The following SMIM22 variants were observed in gnomAD, a reference collection of about 807,000 sequenced individuals.
SMIM22 encodes the protein small integral membrane protein 22.
A neutral mutation model predicts 8.4 loss-of-function variants in SMIM22; 16 were observed. That is an observed-to-expected ratio of 1.90 (90% CI 1.29 to 2.89). The LOEUF (loss-of-function observed/expected upper bound fraction) is 2.89, where lower values mean the gene tolerates loss of function less well. Ranked by LOEUF, SMIM22 falls within the 30% of genes most tolerant of loss-of-function variation. SMIM22 has a pLI of 0.00. For missense variants in SMIM22, 159 were observed against 107.5 expected (o/e 1.48, Z -2.12); for synonymous variants, 67 against 47.6 (o/e 1.41, Z -1.68).
upstream of SMIM22, among the ~76,000 whole-genome samples, chr16:4,792,043 G>C (rs914196380): frequency 6.6e-6 from 1 of 151,782 alleles, no homozygotes; most frequent in Non-Finnish European, 1.5e-5. Flanking sequence ...AGATAGATAC[G>C]ACTTTCATAA....
chr16:4,794,430 T>C (rs2082600951), upstream of SMIM22, among the ~76,000 whole-genome samples: 3 of 150,174 alleles, frequency 2.0e-5, no homozygotes, highest in South Asian at 6.3e-4. Context: ...TTATCTTTTT[T>C]TTTTTTTGAG....
At chr16:4,792,770 C>T (rs931704723), upstream of SMIM22, among the ~76,000 whole-genome samples, 2 of 148,004 alleles carry the variant, frequency 1.4e-5, no homozygotes, top group Admixed American at 1.4e-4. Flanking sequence ...CCATTGCACT[C>T]CAGCCTGCCA....
chr16:4,795,244 G>A (rs192802019), upstream of SMIM22: 145 of 159,574 alleles, frequency 9.1e-4, no homozygotes, highest in African/African-American at 2.9e-3. Flanking sequence ...ACAGGCCGGC[G>A]TCTTCCTCCC....
chr16:4,795,246 C>T (rs886654666), upstream of SMIM22: 9 of 159,868 alleles, frequency 5.6e-5, no homozygotes, highest in Admixed American at 6.1e-5. Context: ...AGGCCGGCGT[C>T]TTCCTCCCTG....
chr16:4,795,986 T>C lies in SMIM22; in HGVS notation c.163T>C (p.Cys55Arg), dbSNP rs763459367. The C allele has an allele frequency of 1.4e-3, 2,146 of 1,504,100 alleles. 13 individuals are homozygous for C. Among genetic ancestry groups the C allele is most frequent in the Non-Finnish European group, 1.6e-3 (1,796 of 1,130,454 alleles). The allele number at this position is 1,504,100 out of a possible 1,614,324, so 93.2% of individuals were successfully genotyped here. A position where few individuals can be genotyped will look rare whatever the true frequency, so the allele number is the denominator to read the frequency against. Residue 55 changes from cysteine (C) to arginine (R), a missense_variant, in exon 3 of 4, where the codon TGC becomes CGC. Transcript: ENST00000586005. ...CCTGCTGCTGCTGGTCGTCGCCCAC[T>C]GCTGCTGCTGCAGCTCCCCCGGGCC... ...LLLLLLVVAH[C>R]CCCSSPGPRR...
intron 2 of SMIM22, chr16:4,790,177 G>A (rs993058040): frequency 6.6e-6 from 1 of 152,146 alleles, no homozygotes; most frequent in African/African-American, 2.4e-5. Flanking sequence ...GCCTCCCAAA[G>A]CGCCACCACA....
At chr16:4,793,321 C>T (rs2082581399), upstream of SMIM22, among the ~76,000 whole-genome samples, 2 of 152,094 alleles carry the variant, frequency 1.3e-5, no homozygotes, top group Admixed American at 6.6e-5. Context: ...ACCTTCAGAA[C>T]CATAGGGCAA....
chr16:4,793,995 A>G (rs1460586109), upstream of SMIM22, among the ~76,000 whole-genome samples: 3 of 150,262 alleles, frequency 2.0e-5, no homozygotes, highest in African/African-American at 4.9e-5. Context: ...GTGTGCGGTG[A>G]CATGATCTTG....
intron 1 of SMIM22, 51 bp downstream of exon 1, chr16:4,795,500 G>A (rs1000905336): frequency 6.8e-6 from 4 of 584,680 alleles, no homozygotes; most frequent in African/African-American, 1.9e-5. Context: ...GAGGGGAGAT[G>A]ACAGTGGCTG....
chr16:4,795,941 T>A lies in SMIM22; in HGVS notation c.125-7T>A. 2 of 1,516,160 alleles carry A rather than the reference T, an allele frequency of 1.3e-6. No homozygotes were observed. Among genetic ancestry groups the A allele is most frequent in the Non-Finnish European group, 1.8e-6 (2 of 1,136,804 alleles). The allele number at this position is 1,516,160 out of a possible 1,614,324, so 93.9% of individuals were successfully genotyped here. A position where few individuals can be genotyped will look rare whatever the true frequency, so the allele number is the denominator to read the frequency against. On this transcript the variant is annotated splice_region_variant and splice_polypyrimidine_tract_variant and intron_variant, in intron 2 of 3. Coordinates refer to ENST00000586005, the MANE Select transcript of SMIM22 (RefSeq NM_001253794.2). ...GGGCCACACCTGGACGCCTGTCCTG[T>A]CCCCAGGCACCGTGCTGCTCCTGCT...
chr16:4,796,097 G>T, intron 3 of SMIM22, 49 bp downstream of exon 3: 1 of 1,535,564 alleles, frequency 6.5e-7, no homozygotes, highest in Non-Finnish European at 8.7e-7. Flanking sequence ...ACTGGGGGTG[G>T]AGGCGGAAGG....
At position 4,795,440 on chromosome 16, in the gene SMIM22, C is replaced by T. The variant is rs1435661720; in HGVS notation, c.-30C>T. On this transcript the variant is annotated 5_prime_UTR_variant, in exon 1 of 4. Transcript: ENST00000586005. ...CCTGCCTGGTTGGGGGAATTGGAGG[C>T]TTCTAGGAGGTAGGTGGGGGCCTGG... is the stretch of plus-strand genomic sequence containing the variant. 1 of 434,060 alleles carries T rather than the reference C, an allele frequency of 2.3e-6. No homozygotes were observed. The highest frequency in any genetic ancestry group is 4.8e-5 in the East Asian group (1 of 20,886). The allele number at this position is 434,060 out of a possible 1,614,324, so 26.9% of individuals were successfully genotyped here. A position where few individuals can be genotyped will look rare whatever the true frequency, so the allele number is the denominator to read the frequency against.
At chr16:4,790,354 A>C (rs541429286) in intron 2 of SMIM22, among the ~76,000 whole-genome samples, 11 of 152,314 alleles carry the variant, frequency 7.2e-5, no homozygotes, top group African/African-American at 2.6e-4. Context: ...GTAAAACCGT[A>C]TTCACAGAAG....
upstream of SMIM22, among the ~76,000 whole-genome samples, chr16:4,790,369 G>T (rs2082533363): frequency 6.6e-6 from 1 of 152,214 alleles, no homozygotes; most frequent in Admixed American, 6.5e-5. Flanking sequence ...CAGAAGAAAG[G>T]TGGCCGTGGT....
At chr16:4,796,156 G>C in intron 3 of SMIM22, 34 bp from the exon 4 acceptor site, 1 of 1,535,972 alleles carries the variant, frequency 6.5e-7, no homozygotes, top group Non-Finnish European at 8.7e-7. Context: ...AACAACGAGC[G>C]AACCTGCTTG....
chr16:4,793,900 C>T (rs1377083531), upstream of SMIM22, among the ~76,000 whole-genome samples: 1 of 152,042 alleles, frequency 6.6e-6, no homozygotes, highest in Non-Finnish European at 1.5e-5. Context: ...CCTTGGCCTC[C>T]CGATTAGCTG....
upstream of SMIM22, among the ~76,000 whole-genome samples, chr16:4,793,067 C>A (rs2082577092): frequency 6.8e-6 from 1 of 146,246 alleles, no homozygotes; most frequent in Non-Finnish European, 1.5e-5. Flanking sequence ...CGAGATGGCG[C>A]CACTGCACTC....
In SMIM22 at chr16:4,789,877, C is replaced by A. The variant is rs573148611; in HGVS notation, c.-146+1106C>A. ...TCCTTGCTATTGGCAAATGTTTTCT[C>A]TTTCTTTTTTCTTTCTTTTCTCCTT... is the stretch of plus-strand genomic sequence containing the variant. On this transcript the variant is annotated intron_variant, in intron 2 of 5. Coordinates refer to the SMIM22 transcript ENST00000589327. The A allele has an allele frequency of 3.3e-5, 5 of 151,860 alleles. No homozygotes were observed. The East Asian group carries it at 5.8e-4, about 18-fold the overall frequency. 9.4% of individuals were successfully genotyped at this position (151,860 alleles called of 1,614,324 possible).
chr16:4,792,413 A>C (rs1413499267), upstream of SMIM22, among the ~76,000 whole-genome samples: 1 of 148,368 alleles, frequency 6.7e-6, no homozygotes, highest in South Asian at 2.2e-4. Context: ...GATGGTCTCG[A>C]TCTCCTGACC....
Sources: allele counts gnomAD v4.1 joint callset (sites outside exome capture counted in the v4.1 genomes callset), GRCh38; gene constraint gnomAD v4.1.1; transcripts MANE v1.5; gene names NCBI Gene and HGNC (gene_info 2026-07-23, HGNC 2026-07-21).